FRRS1L: variants seen among roughly 807,000 people sequenced by gnomAD.
FRRS1L encodes ferric chelate reductase 1 like.
A neutral mutation model predicts 28.6 loss-of-function variants in FRRS1L; 22 were observed. The ratio of observed to expected loss-of-function variants is 0.77; its 90% CI spans 0.55 to 1.10. The LOEUF (loss-of-function observed/expected upper bound fraction) is 1.10. FRRS1L is among the 50% of genes least tolerant of loss of function. FRRS1L has a pLI of 0.00. For synonymous variants in FRRS1L, 158 were observed against 151.4 expected (o/e 1.04, Z -0.32); for missense variants, 380 against 386.9 (o/e 0.98, Z 0.15).
intron 1 of FRRS1L, among the ~76,000 whole-genome samples, chr9:109,155,313 T>A (rs996937840): frequency 6.6e-6 from 1 of 152,228 alleles, no homozygotes; most frequent in Non-Finnish European, 1.5e-5. Context: ...CCTTTGGAAA[T>A]CTATCCACAT....
At chr9:109,160,631 T>A (rs567941136) in intron 1 of FRRS1L, among the ~76,000 whole-genome samples, 2 of 152,126 alleles carry the variant, frequency 1.3e-5, no homozygotes, top group South Asian at 4.2e-4. Flanking sequence ...CCTCTCAAAG[T>A]GCTGGGATTA....
chr9:109,155,703 C>CAA lies in FRRS1L; in HGVS notation c.239-5985_239-5984dup, dbSNP rs539557102. Reference sequence around the variant, plus strand: ...TGGGCGACAGAGCAAGACTCCATCTCAAAAAAAAAAAAAAAAAGTCCAGGA... The same window carrying CAA: ...TGGGCGACAGAGCAAGACTCCATCTCAAAAAAAAAAAAAAAAAAAGTCCAGGA... On this transcript the variant is annotated intron_variant, in intron 1 of 4. Coordinates refer to ENST00000561981, the MANE Select transcript of FRRS1L (RefSeq NM_014334.4). Among the ~76,000 whole-genome samples the CAA allele has an allele frequency of 1.5e-3, 119 of 81,010 alleles. 3 individuals carry two copies. Among genetic ancestry groups the CAA allele is most frequent in the East Asian group, 9.4e-3 (24 of 2,560 alleles). The allele number at this position is 81,010 out of a possible 152,430, so 53.1% of individuals were successfully genotyped here. A position where few individuals can be genotyped will look rare whatever the true frequency, so the allele number is the denominator to read the frequency against.
intron 1 of FRRS1L, among the ~76,000 whole-genome samples, chr9:109,156,580 G>A (rs1326491477): frequency 2.0e-5 from 3 of 151,006 alleles, no homozygotes; most frequent in Non-Finnish European, 3.0e-5. Flanking sequence ...TAGTAGAGAC[G>A]GGGTTTCACC....
At chr9:109,166,875 A>C in intron 1 of FRRS1L, 26 bp downstream of exon 1, 21 of 419,636 alleles carry the variant, frequency 5.0e-5, no homozygotes, top group Admixed American at 9.1e-5. Flanking sequence ...CCCCTCCCGC[A>C]ACCCCTCGCC....
chr9:109,139,781 C>T (rs947604213), intron 4 of FRRS1L: 12 of 152,172 alleles, frequency 7.9e-5, no homozygotes, highest in African/African-American at 2.9e-4. Flanking sequence ...CAAGTGTCTT[C>T]CCAATTGGCA....
chr9:109,163,006 C>T (rs12380418), intron 1 of FRRS1L, among the ~76,000 whole-genome samples: 44,549 of 152,064 alleles, frequency 0.29, 7,303 homozygotes, highest in African/African-American at 0.43. Flanking sequence ...AAGGGTCAGG[C>T]GGTTAACATC....
chr9:109,158,861 T>C (rs1831444242), intron 1 of FRRS1L, among the ~76,000 whole-genome samples: 1 of 152,240 alleles, frequency 6.6e-6, no homozygotes, highest in South Asian at 2.1e-4. Flanking sequence ...CATATGGTAA[T>C]TCTGTGTTTA....
At chr9:109,149,507 C>G (rs1303773311) in intron 2 of FRRS1L, 129 bp downstream of exon 2, 4 of 629,652 alleles carry the variant, frequency 6.4e-6, no homozygotes. Context: ...TACGAAACTT[C>G]ATAACCCTGC....
rs1831307694 is a variant in FRRS1L, at chr9:109,149,730, G to A, written c.239-10C>T. 1 of 1,585,992 alleles carries A rather than the reference G, an allele frequency of 6.3e-7. No homozygotes were observed. The highest frequency in any genetic ancestry group is 1.7e-5 in the Admixed American group (1 of 59,174). On this transcript the variant is annotated splice_polypyrimidine_tract_variant and intron_variant, in intron 1 of 4. Transcript: ENST00000561981. ...GTAGGGAAGGGGTAACCTGGGCAGTGAGAATAAAGAAGGGTTAGAAAATCC... is the reference window on the plus strand; with the variant it reads ...GTAGGGAAGGGGTAACCTGGGCAGTAAGAATAAAGAAGGGTTAGAAAATCC...
At chr9:109,158,729 A>G (rs1485305137) in intron 1 of FRRS1L, among the ~76,000 whole-genome samples, 1 of 152,242 alleles carries the variant, frequency 6.6e-6, no homozygotes, top group African/African-American at 2.4e-5. Context: ...GTGTATATCC[A>G]TTCATCAGTT....
chr9:109,135,923 T>A lies in FRRS1L; in HGVS notation c.*1532A>T, dbSNP rs182626132. On this transcript the variant is annotated 3_prime_UTR_variant, in exon 5 of 5. Coordinates refer to ENST00000561981, the MANE Select transcript of FRRS1L (RefSeq NM_014334.4). Reference sequence around the variant, plus strand: ...AATGCCCTAAATTTTTACTAAGATGTTTTGTCTGATATAACACATTTTTAG... The same window carrying A: ...AATGCCCTAAATTTTTACTAAGATGATTTGTCTGATATAACACATTTTTAG... 1 of 152,134 alleles carries A rather than the reference T, an allele frequency of 6.6e-6. No homozygotes were observed. Among genetic ancestry groups the A allele is most frequent in the African/African-American group, 2.4e-5 (1 of 41,508 alleles). 9.4% of individuals were successfully genotyped at this position (152,134 alleles called of 1,614,324 possible).
At chr9:109,151,590 G>T (rs1448902677) in intron 1 of FRRS1L, 6 of 243,688 alleles carry the variant, frequency 2.5e-5, no homozygotes, top group Non-Finnish European at 4.1e-5. Context: ...CAAGCTCAGG[G>T]CTCCCACTGA....
intron 3 of FRRS1L, among the ~76,000 whole-genome samples, chr9:109,143,143 C>T (rs1258777913): frequency 2.0e-5 from 3 of 151,934 alleles, no homozygotes; most frequent in Non-Finnish European, 2.9e-5. Context: ...GGTGAAACCT[C>T]GTCTCTACTT....
At chr9:109,149,965 C>A (rs776416426) in intron 1 of FRRS1L, 2 of 390,056 alleles carry the variant, frequency 5.1e-6, no homozygotes, top group Admixed American at 4.6e-5. Context: ...AGGAGAGGAA[C>A]CTGGGGCACT....
At position 109,161,592 on chromosome 9, in the gene FRRS1L, T is replaced by A. The variant is rs554127106; in HGVS notation, c.238+5309A>T. 2.4e-4 allele frequency among the ~76,000 whole-genome samples: 36 copies of A among 152,324 alleles called. 1 individual carries two copies. Among genetic ancestry groups the A allele is most frequent in the South Asian group, 1.0e-3 (5 of 4,830 alleles). ...TTAGGTTCTCAATTGGGCTTTGTGGTTTCCATTCTTGTCTAATTCAAGAAA... is the reference window on the plus strand; with the variant it reads ...TTAGGTTCTCAATTGGGCTTTGTGGATTCCATTCTTGTCTAATTCAAGAAA... On this transcript the variant is annotated intron_variant, in intron 1 of 4. Coordinates refer to ENST00000561981, the MANE Select transcript of FRRS1L (RefSeq NM_014334.4).
At position 109,166,993 on chromosome 9, in the gene FRRS1L, T is replaced by C. The variant is rs1246429847; in HGVS notation, c.146A>G (p.Asp49Gly). ...GRGPRGRARG[D>G]TGADEAVPRH... ...CGGCACCGCCTCGTCGGCGCCCGTG[T>C]CCCCCCGCGCGCGTCCCCGGGGTCC... Residue 49 changes from aspartate to glycine, a missense_variant, in exon 1 of 5, where the codon GAC (aspartate) becomes GGC (glycine). Coordinates refer to ENST00000561981, the MANE Select transcript of FRRS1L (RefSeq NM_014334.4). 1.6e-6 allele frequency: 2 copies of C among 1,261,256 alleles called. No homozygotes were observed. Among genetic ancestry groups the C allele is most frequent in the Admixed American group, 3.6e-5 (1 of 27,530 alleles). The allele number at this position is 1,261,256 out of a possible 1,614,324, so 78.1% of individuals were successfully genotyped here.
intron 3 of FRRS1L, 83 bp from the exon 4 acceptor site, chr9:109,141,672 T>C (rs1044765491): frequency 7.0e-7 from 1 of 1,426,266 alleles, no homozygotes; most frequent in Middle Eastern, 1.8e-4. Context: ...CATTCCATCA[T>C]CTCTGCAATT....
intron 1 of FRRS1L, among the ~76,000 whole-genome samples, chr9:109,156,581 G>A (rs916549935): frequency 1.3e-5 from 2 of 151,872 alleles, no homozygotes; most frequent in African/African-American, 4.8e-5. Context: ...AGTAGAGACG[G>A]GGTTTCACCA....
intron 3 of FRRS1L, among the ~76,000 whole-genome samples, chr9:109,144,365 G>A (rs181954001): frequency 6.6e-6 from 1 of 152,130 alleles, no homozygotes; most frequent in Admixed American, 6.6e-5. Flanking sequence ...AATCCTGTCA[G>A]TCAGTGCTAC....
Sources: gnomAD v4.1 joint callset for allele counts (sites outside exome capture counted in the v4.1 genomes callset) on GRCh38, gnomAD v4.1.1 for gene constraint, MANE v1.5 for transcripts, NCBI Gene and HGNC (gene_info 2026-07-23, HGNC 2026-07-21) for gene names.